Variants in NEK5 observed in about 807,000 individuals in gnomAD.
The protein encoded by NEK5 is serine/threonine-protein kinase Nek5.
A neutral mutation model predicts 109.2 loss-of-function variants in NEK5; 88 were observed. That is an observed-to-expected ratio of 0.81 (90% confidence interval 0.68 to 0.96). The LOEUF is 0.96. NEK5 is among the 40% of genes least tolerant of loss of function. The probability of loss-of-function intolerance (pLI) is 0.00; values close to 1 mark genes in which losing one functional copy is unlikely to be tolerated. For missense variants in NEK5, 834 were observed against 920.7 expected, an observed-to-expected ratio of 0.91 and a Z score of 1.22; for synonymous variants, 283 against 299.9, an observed-to-expected ratio of 0.94 and a Z score of 0.58.
chr13:52,089,305 T>A lies in NEK5; in HGVS notation c.1217A>T (p.Glu406Val), dbSNP rs758425944. The change falls in exon 14 of 24, where the codon GAG becomes GTG. Residue 406 changes from glutamate to valine, a missense_variant. Glu to Val is a moderately radical substitution (Grantham distance 121). This residue lies in a region of NEK5 where 777 missense variants were observed against 824.7 expected (regional missense o/e 0.94). Coordinates refer to ENST00000684899, the MANE Select transcript of NEK5 (RefSeq NM_001365552.1). ...AGCTTCAAATTTTCTCTGAAGGTAC[T>A]CAGCAGGCCTTAGAAAATAAGAATG... is the stretch of plus-strand genomic sequence containing the variant. The part of the protein sequence containing the change: ...HGPSPSQWPA[E>V]YLQRKFEAQQ... 1.8e-5 allele frequency: 29 copies of A among 1,603,256 alleles called. No individual in the cohort carries two copies. Among genetic ancestry groups the A allele is most frequent in the Non-Finnish European group, 2.5e-5 (29 of 1,171,206 alleles).
Position 52,098,834 on chromosome 13 carries a change from T to C in NEK5, c.1026+909A>G, listed in dbSNP as rs540470934. Among the ~76,000 whole-genome samples, 3 of 152,276 alleles carry C rather than the reference T, an allele frequency of 2.0e-5. No homozygotes were observed. The South Asian group carries it at 6.2e-4, about 32-fold the overall frequency. ...AAAAACTAGAAGTTGTCCAACAAAA[T>C]ACCATTATAATGCTCAGTACAGAAT... On this transcript the variant is annotated intron_variant, in intron 12 of 23. Coordinates refer to ENST00000684899, the MANE Select transcript of NEK5 (RefSeq NM_001365552.1).
intron 22 of NEK5, among the ~76,000 whole-genome samples, 159 bp downstream of exon 22, chr13:52,061,660 T>C (rs1228365503): frequency 6.6e-6 from 1 of 152,220 alleles, no homozygotes; most frequent in Non-Finnish European, 1.5e-5. Context: ...TAGTAGCATT[T>C]GGAATAGGAT....
chr13:52,103,855 A>G (rs1293632468), intron 9 of NEK5, among the ~76,000 whole-genome samples: 2 of 152,212 alleles, frequency 1.3e-5, no homozygotes, highest in African/African-American at 4.8e-5. Context: ...GGCACATCCC[A>G]TGTGACCTCT....
intron 12 of NEK5, 22 bp from the exon 13 acceptor site, chr13:52,093,257 GT>G: frequency 6.3e-7 from 1 of 1,594,000 alleles, no homozygotes; most frequent in Non-Finnish European, 8.6e-7. Flanking sequence ...AAGAGGGGAT[GT>G]TTTTAAAAAC....
chr13:52,111,309 T>C (rs1955753684), intron 5 of NEK5, among the ~76,000 whole-genome samples: 1 of 152,146 alleles, frequency 6.6e-6, no homozygotes, highest in South Asian at 2.1e-4. Context: ...GTAATTTTAG[T>C]TCATTCCCAA....
At chr13:52,110,907 G>A (rs1458980140) in intron 5 of NEK5, among the ~76,000 whole-genome samples, 1 of 151,914 alleles carries the variant, frequency 6.6e-6, no homozygotes, top group Non-Finnish European at 1.5e-5. Context: ...TAACCCTGGG[G>A]TGCTAACTGC....
In NEK5 at chr13:52,099,825, C is replaced by T; in HGVS notation, c.944G>A (p.Arg315Lys). The T allele has an allele frequency of 6.2e-7, 1 of 1,613,880 alleles. No homozygotes were observed. Among genetic ancestry groups the T allele is most frequent in the Non-Finnish European group, 8.5e-7 (1 of 1,179,796 alleles). ...RFQGKCPPRSRISVPIKRNAI... is the reference protein window; with the variant it reads ...RFQGKCPPRSKISVPIKRNAI... Reference sequence around the variant, plus strand: ...ATTCCTTTTAATTGGCACAGATATCCTTGATCTTGGTGGGCACTTTCCCTG... The same window carrying T: ...ATTCCTTTTAATTGGCACAGATATCTTTGATCTTGGTGGGCACTTTCCCTG... The change falls in exon 12 of 24, where the codon AGG (arginine) becomes AAG (lysine). Residue 315 changes from arginine (R) to lysine (K), a missense_variant. Around this residue, in one of 2 missense-constraint regions of NEK5, gnomAD observed 777 missense variants for 824.7 expected, o/e 0.94. Transcript: ENST00000684899.
Position 52,086,294 on chromosome 13 carries a change from T to C in NEK5, c.1462A>G (p.Met488Val). The C allele has an allele frequency of 1.2e-6, 2 of 1,605,218 alleles. No homozygotes were observed. The highest frequency in any genetic ancestry group is 1.7e-4 in the Middle Eastern group (1 of 6,048). Residue 488 changes from methionine to valine, a missense_variant, in exon 16 of 24, where the codon ATG (methionine) becomes GTG (valine). Around this residue, in one of 2 missense-constraint regions of NEK5, gnomAD observed 777 missense variants for 824.7 expected, o/e 0.94. Transcript: ENST00000684899. ...HNDMKEIRKK[M>V]GREPEENSKI... ...GAATTTACCTCTGGTTCTCTCCCCA[T>C]CTTCTTTCTAATTTCTTTCATGTCA...
intron 22 of NEK5, among the ~76,000 whole-genome samples, chr13:52,050,475 C>G (rs377002655): frequency 6.6e-6 from 1 of 151,960 alleles, no homozygotes; most frequent in Non-Finnish European, 1.5e-5. Flanking sequence ...TTAAGAAAAT[C>G]TTTGTGTAAA....
intron 8 of NEK5, among the ~76,000 whole-genome samples, chr13:52,108,091 A>G (rs1955688050): frequency 1.3e-5 from 2 of 152,170 alleles, no homozygotes; most frequent in Non-Finnish European, 1.5e-5. Context: ...GGTTACAGAA[A>G]TAAAAACTCT....
intron 3 of NEK5, among the ~76,000 whole-genome samples, chr13:52,125,899 A>G (rs1344010844): frequency 6.6e-6 from 1 of 152,186 alleles, no homozygotes; most frequent in Non-Finnish European, 1.5e-5. Flanking sequence ...GATTCACAAA[A>G]AGAGACCTAT....
At chr13:52,067,884 C>T (rs1954716220) in intron 20 of NEK5, among the ~76,000 whole-genome samples, 1 of 151,764 alleles carries the variant, frequency 6.6e-6, no homozygotes, top group African/African-American at 2.4e-5. Context: ...TAGAGATGGG[C>T]TTTAGCCATA....
intron 22 of NEK5, among the ~76,000 whole-genome samples, chr13:52,050,728 T>C (rs972804995): frequency 6.0e-5 from 9 of 150,124 alleles, no homozygotes; most frequent in Admixed American, 4.0e-4. Context: ...TTCTTTTTTT[T>C]TTTTTTTTTG....
At chr13:52,055,268 G>T (rs985696649) in intron 22 of NEK5, among the ~76,000 whole-genome samples, 2 of 152,088 alleles carry the variant, frequency 1.3e-5, no homozygotes, top group Non-Finnish European at 1.5e-5. Flanking sequence ...AAAAAGAAAC[G>T]AGCAAAGCCT....
At chr13:52,085,750 G>T (rs1048401873) in intron 16 of NEK5, among the ~76,000 whole-genome samples, 1 of 152,218 alleles carries the variant, frequency 6.6e-6, no homozygotes, top group Non-Finnish European at 1.5e-5. Flanking sequence ...CAACTCTAGA[G>T]ACCTTCTTGG....
rs1954825779 is a variant in NEK5 at position 52,074,069 on chromosome 13, T to G, written c.1722+1689A>C. 5.3e-5 allele frequency among the ~76,000 whole-genome samples: 8 copies of G among 152,070 alleles called. No individual in the cohort carries two copies. In the South Asian group the frequency reaches 1.7e-3, roughly 31 times the overall value. ...ATACTGCCCAAAGTAATCTATAGAT[T>G]CAACACTATTCCTGTCAAACTACCA... On this transcript the variant is annotated intron_variant, in intron 19 of 23. Coordinates refer to ENST00000684899, the MANE Select transcript of NEK5 (RefSeq NM_001365552.1).
chr13:52,077,656 G>A (rs983323366), intron 17 of NEK5, among the ~76,000 whole-genome samples: 5 of 152,168 alleles, frequency 3.3e-5, no homozygotes, highest in East Asian at 1.9e-4. Context: ...AACACAGTGC[G>A]ACCATTCTGG....
At chr13:52,121,265 C>A (rs992985417) in intron 3 of NEK5, among the ~76,000 whole-genome samples, 3 of 151,266 alleles carry the variant, frequency 2.0e-5, no homozygotes, top group African/African-American at 7.3e-5. Flanking sequence ...CTCAAGTGAT[C>A]CTCCCACCTC....
chr13:52,062,549 T>G (rs1169829360), intron 21 of NEK5, among the ~76,000 whole-genome samples: 2 of 151,706 alleles, frequency 1.3e-5, no homozygotes, highest in African/African-American at 4.8e-5. Context: ...GCCTCCCGAG[T>G]AGCTGGGATT....
Sources: allele counts gnomAD v4.1 joint callset (sites outside exome capture counted in the v4.1 genomes callset), GRCh38; gene constraint gnomAD v4.1.1; regional missense constraint gnomAD v4.1.1; transcripts MANE v1.5; gene names NCBI Gene and HGNC (gene_info 2026-07-23, HGNC 2026-07-21).